The following GEMIN7 variants were observed in gnomAD, a reference collection of about 807,000 sequenced individuals.
GEMIN7 encodes the protein gem nuclear organelle associated protein 7.
In GEMIN7, 7 loss-of-function variants were observed where a neutral mutation model predicts 7.8. The ratio of observed to expected loss-of-function variants is 0.90; its 90% CI spans 0.51 to 1.69. The LOEUF (loss-of-function observed/expected upper bound fraction) is 1.69, where lower values mean the gene tolerates loss of function less well. GEMIN7 is among the 40% of genes most tolerant of loss of function. The pLI, the probability that GEMIN7 is intolerant of heterozygous loss-of-function variation, is 0.00. For missense variants in GEMIN7, 159 were observed against 176.2 expected (o/e 0.90, Z 0.55); for synonymous variants, 68 against 72.4 (o/e 0.94, Z 0.31).
intron 2 of GEMIN7, chr19:45,088,749 A>C (rs1157134491): frequency 1.3e-5 from 2 of 152,132 alleles, no homozygotes; most frequent in African/African-American, 4.8e-5. Flanking sequence ...AAGGAATAGC[A>C]CAGAAGTGGT....
rs3178166 is a variant in GEMIN7 at position 45,090,912 on chromosome 19, A to G, written c.*402A>G. 73,519 of 184,636 alleles carry G rather than the reference A, an allele frequency of 0.4. 16,076 individuals are homozygous for G. Among genetic ancestry groups the G allele is most frequent in the Non-Finnish European group, 0.49 (38,032 of 77,356 alleles). 11.4% of individuals were successfully genotyped at this position (184,636 alleles called of 1,614,324 possible). ...CTCCTGCTAAAGAACCAGTTACCCC[A>G]GGAAAATTCGACTCCTGTTTTTCTT... On this transcript the variant is annotated 3_prime_UTR_variant, in exon 3 of 3. Transcript: ENST00000270257.
In GEMIN7 at chr19:45,091,048, G is replaced by A. The variant is rs993578801; in HGVS notation, c.*538G>A. On this transcript the variant is annotated 3_prime_UTR_variant, in exon 3 of 3. Transcript: ENST00000270257. ...AAGTACGACAGGAGTCCAGATAAAG[G>A]TGTAGGGGCTGCACGGCCGCAAGTC... 3 of 169,532 alleles carry A rather than the reference G, an allele frequency of 1.8e-5. No homozygotes were observed. Among genetic ancestry groups the A allele is most frequent in the African/African-American group, 4.8e-5 (2 of 41,478 alleles). 10.5% of individuals were successfully genotyped at this position (169,532 alleles called of 1,614,324 possible). A position where few individuals can be genotyped will look rare whatever the true frequency, so the allele number is the denominator to read the frequency against.
Position 45,085,924 on chromosome 19 carries a change from G to C in GEMIN7, c.-8-4183G>C, listed in dbSNP as rs565800935. ...GCTCTGTCGCCCAGGCTGGAGTGCA[G>C]TGGCGTGGTCTCGGCTCACTGCAAG... On this transcript the variant is annotated intron_variant, in intron 2 of 2. Transcript: ENST00000270257. 8.8e-5 allele frequency among the ~76,000 whole-genome samples: 12 copies of C among 136,792 alleles called. No homozygotes were observed. The South Asian group carries it at 2.3e-3, about 27-fold the overall frequency. The allele number at this position is 136,792 out of a possible 152,430, so 89.7% of individuals were successfully genotyped here. A position where few individuals can be genotyped will look rare whatever the true frequency, so the allele number is the denominator to read the frequency against.
chr19:45,078,524 G>C (rs1297021971), upstream of GEMIN7, among the ~76,000 whole-genome samples: 3 of 152,284 alleles, frequency 2.0e-5, no homozygotes, highest in African/African-American at 7.2e-5. Context: ...AGTCTGTCTT[G>C]TTCATAAATA....
intron 2 of GEMIN7, among the ~76,000 whole-genome samples, chr19:45,082,439 C>G (rs1364789829): frequency 6.6e-6 from 1 of 152,166 alleles, no homozygotes; most frequent in Non-Finnish European, 1.5e-5. Context: ...CATTCCAGCC[C>G]TACTCACTTT....
rs1337864426 is a variant in GEMIN7, at chr19:45,080,005, G to A, written c.-33G>A. 1 of 152,258 alleles carries A rather than the reference G, an allele frequency of 6.6e-6. No homozygotes were observed. Among genetic ancestry groups the A allele is most frequent in the East Asian group, 1.9e-4 (1 of 5,196 alleles). The allele number at this position is 152,258 out of a possible 1,614,324, so 9.4% of individuals were successfully genotyped here. A position where few individuals can be genotyped will look rare whatever the true frequency, so the allele number is the denominator to read the frequency against. On this transcript the variant is annotated 5_prime_UTR_variant, in exon 2 of 3. Transcript: ENST00000270257. ...GTCCACTGAGCTGATCTCCTCTCTGGAGCACCGGGGCCACCAGGAGGGAGG... is the reference window on the plus strand; with the variant it reads ...GTCCACTGAGCTGATCTCCTCTCTGAAGCACCGGGGCCACCAGGAGGGAGG...
chr19:45,089,093 C>G (rs1967804201), intron 2 of GEMIN7, among the ~76,000 whole-genome samples: 1 of 152,056 alleles, frequency 6.6e-6, no homozygotes. Flanking sequence ...AGGCGCATGA[C>G]ACCACACCCG....
upstream of GEMIN7, chr19:45,077,001 T>C (rs1483146763): frequency 1.3e-5 from 2 of 152,160 alleles, no homozygotes; most frequent in Non-Finnish European, 2.9e-5. Flanking sequence ...ACCAGTGCCA[T>C]GGAGCAAAAG....
At chr19:45,076,677 A>G (rs757431971), upstream of GEMIN7, 45 of 269,192 alleles carry the variant, frequency 1.7e-4, no homozygotes, top group Non-Finnish European at 7.0e-5. The surrounding 1 kb of genome is among the most constrained non-coding windows in gnomAD (Gnocchi z 4.9). Flanking sequence ...TGAAACAGCT[A>G]TCCCTGATCC....
At chr19:45,086,147 G>A (rs545155981) in intron 2 of GEMIN7, among the ~76,000 whole-genome samples, 2 of 151,262 alleles carry the variant, frequency 1.3e-5, no homozygotes, top group African/African-American at 4.8e-5. Flanking sequence ...TATTACAGGC[G>A]TGAGCCACCA....
chr19:45,077,811 C>A (rs950832805), upstream of GEMIN7, among the ~76,000 whole-genome samples: 3 of 152,012 alleles, frequency 2.0e-5, no homozygotes, highest in Non-Finnish European at 4.4e-5. Flanking sequence ...CAGGTTGGAA[C>A]TAGAGGGTTA....
rs35661833 is a variant in GEMIN7 at position 45,084,213 on chromosome 19, C to CAAAA, written c.-9+4201_-9+4204dup. Among the ~76,000 whole-genome samples the CAAAA allele has an allele frequency of 2.4e-3, 180 of 74,216 alleles. 1 individual carries two copies. Among genetic ancestry groups the CAAAA allele is most frequent in the Non-Finnish European group, 3.6e-3 (154 of 42,446 alleles). 48.7% of individuals were successfully genotyped at this position (74,216 alleles called of 152,430 possible). A position where few individuals can be genotyped will look rare whatever the true frequency, so the allele number is the denominator to read the frequency against. On this transcript the variant is annotated intron_variant, in intron 2 of 2. Coordinates refer to ENST00000270257, the MANE Select transcript of GEMIN7 (RefSeq NM_024707.3). ...GCGACAAGAGCGAGACTCCATCTCA[C>CAAAA]AAAAAAAAAAAAAAAAAAAAGAAAT... is the stretch of plus-strand genomic sequence containing the variant.
At chr19:45,084,133 C>A (rs1390537211) in intron 2 of GEMIN7, among the ~76,000 whole-genome samples, 1 of 151,158 alleles carries the variant, frequency 6.6e-6, no homozygotes, top group African/African-American at 2.4e-5. Flanking sequence ...ATCGCTTGAA[C>A]CCGGGAGGCG....
intron 2 of GEMIN7, chr19:45,085,487 A>T (rs1258612933): frequency 6.6e-6 from 1 of 152,218 alleles, no homozygotes; most frequent in Non-Finnish European, 1.5e-5. Flanking sequence ...CCCTACACCT[A>T]TGCGTTGGAC....
upstream of GEMIN7, chr19:45,075,964 G>A: frequency 1.9e-6 from 3 of 1,582,030 alleles, no homozygotes; most frequent in Middle Eastern, 6.7e-4. Context: ...GGCCTGAGGG[G>A]CAGGACGGGG....
At chr19:45,084,428 A>T (rs1250155591) in intron 2 of GEMIN7, among the ~76,000 whole-genome samples, 2 of 152,010 alleles carry the variant, frequency 1.3e-5, no homozygotes, top group African/African-American at 4.8e-5. Context: ...TTTGAGACAG[A>T]GTCTCGCTGT....
At chr19:45,078,081 T>C (rs1967391721), upstream of GEMIN7, among the ~76,000 whole-genome samples, 3 of 147,564 alleles carry the variant, frequency 2.0e-5, no homozygotes, top group African/African-American at 5.0e-5. Flanking sequence ...CACTATCCCA[T>C]TGCCCTTATT....
chr19:45,081,909 T>C (rs6509179), intron 2 of GEMIN7, among the ~76,000 whole-genome samples: 90,077 of 151,462 alleles, frequency 0.59, 27,418 homozygotes, highest in African/African-American at 0.68. Flanking sequence ...AGGCGTGACC[T>C]ACTGCGCCCA....
chr19:45,077,705 C>T (rs1967383058), upstream of GEMIN7, among the ~76,000 whole-genome samples: 1 of 152,136 alleles, frequency 6.6e-6, no homozygotes, highest in Non-Finnish European at 1.5e-5. Context: ...AGTAGCCCCA[C>T]CCTGCTGAAG....
Sources: allele counts gnomAD v4.1 joint callset (sites outside exome capture counted in the v4.1 genomes callset), GRCh38; gene constraint gnomAD v4.1.1; non-coding constraint Gnocchi (gnomAD v3.1); transcripts MANE v1.5; gene names NCBI Gene and HGNC (gene_info 2026-07-23, HGNC 2026-07-21).